The following PPARGC1A variants were observed in gnomAD, a reference collection of about 807,000 sequenced individuals.
PPARGC1A encodes PPARG coactivator 1 alpha.
In PPARGC1A, 25 loss-of-function variants were observed where a neutral mutation model predicts 88.7. The ratio of observed to expected loss-of-function variants is 0.28; its 90% CI spans 0.21 to 0.39. The LOEUF is 0.39. Ranked by LOEUF, PPARGC1A falls within the 10% of genes least tolerant of loss-of-function variation. The pLI, the probability that PPARGC1A is intolerant of heterozygous loss-of-function variation, is 1.00. For synonymous variants in PPARGC1A, 363 were observed against 355.6 expected (o/e 1.02, Z -0.24); for missense variants, 880 against 968.7 (o/e 0.91, Z 1.22).
At chr4:24,269,743 C>G in the PPARGC1A span, among the ~76,000 whole-genome samples, 1 of 152,094 alleles carries the variant, frequency 6.6e-6, no homozygotes, top group African/African-American at 2.4e-5. Flanking sequence ...TGCTGACAAT[C>G]ACAAAGGAAG....
chr4:23,807,665 C>T (rs982004450), intron 10 of PPARGC1A, among the ~76,000 whole-genome samples: 2 of 152,088 alleles, frequency 1.3e-5, no homozygotes, highest in South Asian at 4.2e-4. Context: ...ATCCTTGATA[C>T]CATCATCACA....
chr4:24,159,101 C>T, the PPARGC1A span, among the ~76,000 whole-genome samples: 1 of 151,210 alleles, frequency 6.6e-6, no homozygotes, highest in Non-Finnish European at 1.5e-5. Context: ...TTTGGACAAG[C>T]ATTTATAAAT....
chr4:23,934,563 G>T, the PPARGC1A span, among the ~76,000 whole-genome samples: 12 of 152,254 alleles, frequency 7.9e-5, no homozygotes, highest in African/African-American at 2.6e-4. Flanking sequence ...ACTTCATGAA[G>T]GAGATTTTGA....
At chr4:24,224,483 C>T in the PPARGC1A span, among the ~76,000 whole-genome samples, 1 of 152,172 alleles carries the variant, frequency 6.6e-6, no homozygotes, top group African/African-American at 2.4e-5. Context: ...CTAGCGATGC[C>T]TAAATGCTAA....
At chr4:24,139,589 G>A in the PPARGC1A span, among the ~76,000 whole-genome samples, 1 of 152,158 alleles carries the variant, frequency 6.6e-6, no homozygotes, top group Non-Finnish European at 1.5e-5. Flanking sequence ...CCCATGTAGT[G>A]AGAAATCCGC....
the PPARGC1A span, among the ~76,000 whole-genome samples, chr4:24,123,875 T>G: frequency 6.7e-6 from 1 of 149,444 alleles, no homozygotes; most frequent in African/African-American, 2.5e-5. Flanking sequence ...TTTCATGCCT[T>G]TGCTAAGCTT....
chr4:24,027,210 T>TGTGTGTGTGTGTGTGA, the PPARGC1A span, among the ~76,000 whole-genome samples: 1 of 149,040 alleles, frequency 6.7e-6, no homozygotes, highest in Non-Finnish European at 1.5e-5. Context: ...TGTGTGTGTG[T>TGTGTGTGTGTGTGTGA]GTGTGTGTCT....
At chr4:23,977,509 T>A in the PPARGC1A span, among the ~76,000 whole-genome samples, 1 of 152,198 alleles carries the variant, frequency 6.6e-6, no homozygotes, top group Non-Finnish European at 1.5e-5. Context: ...TATATAGGGC[T>A]ACAATGAGAG....
chr4:23,889,921 C>G lies in PPARGC1A; in HGVS notation c.37G>C (p.Val13Leu). The G allele has an allele frequency of 1.2e-6, 2 of 1,613,830 alleles. No homozygotes were observed. The highest frequency in any genetic ancestry group is 1.7e-6 in the Non-Finnish European group (2 of 1,179,812). Residue 13 changes from valine (V) to leucine (L), a missense_variant, in exon 1 of 13, where the codon GTA becomes CTA. Val to Leu is a conservative substitution (Grantham distance 32, BLOSUM62 1). Transcript: ENST00000264867. ...WDMCNQDSES[V>L]WSDIECAALV... ...CAGCTCACCTCGATGTCACTCCATA[C>G]AGACTCAGAGTCCTGGTTGCACATG...
chr4:24,081,480 T>C, the PPARGC1A span, among the ~76,000 whole-genome samples: 1 of 152,170 alleles, frequency 6.6e-6, no homozygotes, highest in Non-Finnish European at 1.5e-5. Flanking sequence ...TTACTGGCTA[T>C]GTAATAGACC....
the PPARGC1A span, among the ~76,000 whole-genome samples, chr4:24,086,799 G>T: frequency 3.3e-5 from 5 of 152,172 alleles, no homozygotes; most frequent in African/African-American, 1.2e-4. Context: ...AGTGCTTACT[G>T]ATGTGTTCTT....
chr4:24,322,891 A>G, the PPARGC1A span, among the ~76,000 whole-genome samples: 1 of 152,224 alleles, frequency 6.6e-6, no homozygotes, highest in South Asian at 2.1e-4. Flanking sequence ...AGCACTGTAC[A>G]ATATTTTGAA....
the PPARGC1A span, among the ~76,000 whole-genome samples, chr4:24,161,940 G>C: frequency 6.7e-6 from 1 of 148,200 alleles, no homozygotes. Flanking sequence ...ATCTCAATGA[G>C]TGAATAAAGA....
chr4:24,129,905 A>C, the PPARGC1A span, among the ~76,000 whole-genome samples: 1 of 152,138 alleles, frequency 6.6e-6, no homozygotes, highest in Non-Finnish European at 1.5e-5. Context: ...GGACAAAAAA[A>C]CCAAACACCT....
chr4:24,408,539 A>G, the PPARGC1A span, among the ~76,000 whole-genome samples: 1 of 152,170 alleles, frequency 6.6e-6, no homozygotes, highest in East Asian at 1.9e-4. Context: ...ACGACCTCTA[A>G]GCCTAGGTCA....
chr4:23,822,420 T>C lies in PPARGC1A; in HGVS notation c.877+1860A>G, dbSNP rs565284472. Among the ~76,000 whole-genome samples, 7 of 152,230 alleles carry C rather than the reference T, an allele frequency of 4.6e-5. No homozygotes were observed. The East Asian group carries it at 1.4e-3, about 29-fold the overall frequency. On this transcript the variant is annotated intron_variant, in intron 7 of 12. Transcript: ENST00000264867. ...TCCTTTCCATGAATCACCTCTGTCA[T>C]TCACTAGGATGATAGTATTGCCTAA...
chr4:23,906,607 C>CAAAA (rs35171233), upstream of PPARGC1A, among the ~76,000 whole-genome samples: 65 of 63,246 alleles, frequency 1.0e-3, no homozygotes, highest in African/African-American at 1.6e-3. Context: ...CTCTGTCTCA[C>CAAAA]AAAAAAAAAA....
chr4:24,122,385 A>ATGTGTGTG, the PPARGC1A span, among the ~76,000 whole-genome samples: 3 of 106,004 alleles, frequency 2.8e-5, no homozygotes, highest in South Asian at 4.3e-4. Context: ...GTGTATGCGT[A>ATGTGTGTG]TGTGTGTGTG....
the PPARGC1A span, among the ~76,000 whole-genome samples, chr4:24,297,673 G>A: frequency 6.6e-6 from 1 of 152,126 alleles, no homozygotes. Context: ...GGAAGTGGAA[G>A]CAGTGAGATC....
Sources: gnomAD v4.1 joint callset for allele counts (sites outside exome capture counted in the v4.1 genomes callset) on GRCh38, gnomAD v4.1.1 for gene constraint, MANE v1.5 for transcripts, NCBI Gene and HGNC (gene_info 2026-07-23, HGNC 2026-07-21) for gene names.